KCNIP4: variants seen among roughly 807,000 people sequenced by gnomAD.
KCNIP4 encodes the protein potassium voltage-gated channel interacting protein 4, also known as Kv channel-interacting protein 4.
Under a neutral mutation model 34.0 loss-of-function variants are expected in KCNIP4, and 12 were observed. That is an observed-to-expected ratio of 0.35 (90% CI 0.23 to 0.57). The LOEUF is 0.57. KCNIP4 is among the 20% of genes least tolerant of loss of function. The probability of loss-of-function intolerance (pLI) is 0.83; values close to 1 mark genes in which losing one functional copy is unlikely to be tolerated. For synonymous variants in KCNIP4, 124 were observed against 102.2 expected (o/e 1.21, Z -1.29); for missense variants, 238 against 311.7 (o/e 0.76, Z 1.78).
chr4:21,525,170 A>G (rs1437521859), intron 1 of KCNIP4, among the ~76,000 whole-genome samples: 3 of 152,156 alleles, frequency 2.0e-5, no homozygotes, highest in Admixed American at 2.0e-4. Context: ...TCTATGTTAG[A>G]TTTTATAACC....
chr4:21,625,249 A>C (rs1053360091), intron 1 of KCNIP4, among the ~76,000 whole-genome samples: 1 of 152,162 alleles, frequency 6.6e-6, no homozygotes. Flanking sequence ...TAAAATACAG[A>C]TAACAATTGT....
intron 1 of KCNIP4, among the ~76,000 whole-genome samples, chr4:21,793,343 C>T (rs1272672896): frequency 1.3e-5 from 2 of 152,092 alleles, no homozygotes; most frequent in Non-Finnish European, 2.9e-5. Context: ...TTTCAACCTC[C>T]ACCTCCCAGC....
chr4:21,434,468 T>C (rs550001188), intron 1 of KCNIP4, among the ~76,000 whole-genome samples: 1 of 152,240 alleles, frequency 6.6e-6, no homozygotes, highest in African/African-American at 2.4e-5. Context: ...CATGTAACAT[T>C]TGAGTGCTGG....
chr4:20,792,795 G>T (rs968647922), intron 3 of KCNIP4, among the ~76,000 whole-genome samples: 1 of 152,066 alleles, frequency 6.6e-6, no homozygotes, highest in Non-Finnish European at 1.5e-5. Context: ...AGAAATAGAT[G>T]CATCAAAATA....
intron 1 of KCNIP4, among the ~76,000 whole-genome samples, chr4:21,356,449 A>G (rs1313122809): frequency 6.6e-6 from 1 of 152,212 alleles, no homozygotes; most frequent in Admixed American, 6.5e-5. Context: ...CCTTAAGCTG[A>G]TAAGCAACTT....
At chr4:21,198,447 G>C (rs6448034) in intron 1 of KCNIP4, among the ~76,000 whole-genome samples, 66,970 of 152,120 alleles carry the variant, frequency 0.44, 16,978 homozygotes, top group African/African-American at 0.71. Context: ...TGAGTGCTGT[G>C]TCACTGTGTT....
chr4:21,179,338 C>T (rs1754674502), intron 1 of KCNIP4, among the ~76,000 whole-genome samples: 1 of 152,088 alleles, frequency 6.6e-6, no homozygotes, highest in Non-Finnish European at 1.5e-5. Context: ...ATCATAGTAG[C>T]CAGATTCAGT....
intron 1 of KCNIP4, among the ~76,000 whole-genome samples, chr4:21,364,669 G>C (rs1719555288): frequency 6.6e-6 from 1 of 151,830 alleles, no homozygotes; most frequent in South Asian, 2.1e-4. Context: ...CTATATTATG[G>C]AACAGTAGAT....
chr4:20,872,256 G>T (rs922232712), intron 2 of KCNIP4, among the ~76,000 whole-genome samples: 1 of 152,108 alleles, frequency 6.6e-6, no homozygotes, highest in Non-Finnish European at 1.5e-5. Context: ...AAAGGAGAAT[G>T]GTTTGCTGAA....
chr4:21,467,856 G>A (rs1403382621), intron 1 of KCNIP4, among the ~76,000 whole-genome samples: 1 of 152,134 alleles, frequency 6.6e-6, no homozygotes, highest in African/African-American at 2.4e-5. Context: ...AAGCCCAAGG[G>A]CACTGAGGAT....
intron 3 of KCNIP4, among the ~76,000 whole-genome samples, chr4:20,796,051 T>C (rs1713413711): frequency 6.6e-6 from 1 of 152,188 alleles, no homozygotes; most frequent in South Asian, 2.1e-4. Context: ...ACCTACATCA[T>C]TGAGTTCTGA....
chr4:20,885,407 T>C (rs944035449), intron 1 of KCNIP4, among the ~76,000 whole-genome samples: 2 of 152,204 alleles, frequency 1.3e-5, no homozygotes, highest in African/African-American at 4.8e-5. Flanking sequence ...CGCCCAGACC[T>C]GCCAACCAGT....
At chr4:20,808,786 A>G (rs909206181) in intron 3 of KCNIP4, among the ~76,000 whole-genome samples, 4 of 152,142 alleles carry the variant, frequency 2.6e-5, no homozygotes, top group South Asian at 2.1e-4. Flanking sequence ...TACACATGAA[A>G]TTAATTAAGA....
At chr4:21,453,078 C>CTT (rs1728646822) in intron 1 of KCNIP4, among the ~76,000 whole-genome samples, 1 of 151,878 alleles carries the variant, frequency 6.6e-6, no homozygotes, top group Non-Finnish European at 1.5e-5. Context: ...GAACTACAGG[C>CTT]TCAAAGAAAA....
At chr4:20,850,437 A>C in intron 3 of KCNIP4, 106 bp downstream of exon 3, 3 of 1,187,348 alleles carry the variant, frequency 2.5e-6, no homozygotes, top group Non-Finnish European at 3.6e-6. Flanking sequence ...TGAAATATAC[A>C]TATGATGGGG....
chr4:21,683,604 G>A (rs939115463), intron 1 of KCNIP4, among the ~76,000 whole-genome samples: 1 of 151,272 alleles, frequency 6.6e-6, no homozygotes, highest in African/African-American at 2.4e-5. Context: ...AAATAGCTGG[G>A]ACTACAGGCG....
intron 1 of KCNIP4, among the ~76,000 whole-genome samples, chr4:21,412,577 G>A (rs757226302): frequency 2.0e-5 from 3 of 152,110 alleles, no homozygotes; most frequent in Non-Finnish European, 4.4e-5. Context: ...GCTGATTACT[G>A]GCAATCAATT....
chr4:21,101,893 ATGAC>A (rs575274488), intron 1 of KCNIP4, among the ~76,000 whole-genome samples: 49 of 152,168 alleles, frequency 3.2e-4, no homozygotes, highest in Non-Finnish European at 6.6e-4. Flanking sequence ...TGATCTCTAA[ATGAC>A]TGACATTAGC....
chr4:21,157,016 G>A (rs1017532228), intron 1 of KCNIP4, among the ~76,000 whole-genome samples: 2 of 152,102 alleles, frequency 1.3e-5, no homozygotes, highest in Non-Finnish European at 2.9e-5. Flanking sequence ...TATGGCTTAG[G>A]GGAAAGTATG....
Sources: allele counts gnomAD v4.1 joint callset (sites outside exome capture counted in the v4.1 genomes callset), GRCh38; gene constraint gnomAD v4.1.1; transcripts MANE v1.5; gene names NCBI Gene and HGNC (gene_info 2026-07-23, HGNC 2026-07-21).